DZIP1L: variants seen among roughly 807,000 people sequenced by gnomAD.
DZIP1L encodes DAZ interacting zinc finger protein 1 like, also known as cilium assembly protein DZIP1L.
In DZIP1L, 90 loss-of-function variants were observed where a neutral mutation model predicts 88.7. The observed-to-expected ratio is 1.02, with a 90% CI of 0.86 to 1.21. The LOEUF (loss-of-function observed/expected upper bound fraction) is 1.21. Among genes scored for constraint, DZIP1L ranks in the 50% most tolerant of loss-of-function variants. The probability of loss-of-function intolerance (pLI) is 0.00; values close to 1 mark genes in which losing one functional copy is unlikely to be tolerated. For missense variants in DZIP1L, 932 were observed against 955.8 expected (o/e 0.98, Z 0.33); for synonymous variants, 363 against 372.1 (o/e 0.98, Z 0.28).
At position 138,064,915 on chromosome 3, in the gene DZIP1L, G is replaced by C. The variant is rs1454400099; in HGVS notation, c.2003-148C>G. 4 of 1,179,556 alleles carry C rather than the reference G, an allele frequency of 3.4e-6. No individual in the cohort carries two copies. In the African/African-American group the frequency reaches 6.1e-5, roughly 18 times the overall value. 73.1% of individuals were successfully genotyped at this position (1,179,556 alleles called of 1,614,324 possible). A position where few individuals can be genotyped will look rare whatever the true frequency, so the allele number is the denominator to read the frequency against. ...AAGGCTGAGCAACCACAAAAAAGGA[G>C]ACAGAGAAGGCCAGGCCAACAGGTA... On this transcript the variant is annotated intron_variant, in intron 14 of 15. Transcript: ENST00000327532.
chr3:138,106,721 A>G (rs1021899473), intron 1 of DZIP1L, among the ~76,000 whole-genome samples: 5 of 151,964 alleles, frequency 3.3e-5, no homozygotes, highest in Non-Finnish European at 5.9e-5. Flanking sequence ...AGTCCCAGCT[A>G]CTCGGGAGGC....
intron 5 of DZIP1L, among the ~76,000 whole-genome samples, chr3:138,091,190 T>C (rs954348389): frequency 1.3e-5 from 2 of 151,854 alleles, no homozygotes; most frequent in Admixed American, 6.6e-5. Flanking sequence ...TTATCCTGCA[T>C]AAACTTGTTA....
chr3:138,080,497 A>G, intron 10 of DZIP1L, 70 bp downstream of exon 10: 1 of 1,554,526 alleles, frequency 6.4e-7, no homozygotes, highest in Non-Finnish European at 8.9e-7. Flanking sequence ...AGTAGAGACA[A>G]ACTAAACAAG....
chr3:138,094,958 T>C lies in DZIP1L; in HGVS notation c.612A>G (p.Pro204=). The change falls in exon 4 of 16, where the codon CCA becomes CCG. Residue 204 remains proline (P), a synonymous_variant. Coordinates refer to ENST00000327532, the MANE Select transcript of DZIP1L (RefSeq NM_173543.3). ...EGGKQKKQEQ[P]VEEVLEELRA... Reference sequence around the variant, plus strand: ...GTAGCTCTTCTAACACCTCTTCCACTGGCTGTTCCTGTTTCTTCTGTTTTC... The same window carrying C: ...GTAGCTCTTCTAACACCTCTTCCACCGGCTGTTCCTGTTTCTTCTGTTTTC... 1 of 1,614,268 alleles carries C rather than the reference T, an allele frequency of 6.2e-7. No individual in the cohort carries two copies. Among genetic ancestry groups the C allele is most frequent in the East Asian group, 2.2e-5 (1 of 44,888 alleles).
chr3:138,084,331 T>C (rs1231541441), intron 7 of DZIP1L, 78 bp from the exon 8 acceptor site: 3 of 1,527,218 alleles, frequency 2.0e-6, no homozygotes, highest in Non-Finnish European at 2.6e-6. Flanking sequence ...GCTCAGCACC[T>C]GTAGGCAAGT....
At chr3:138,071,943 TG>T in intron 11 of DZIP1L, 108 bp from the exon 12 acceptor site, 1 of 1,110,684 alleles carries the variant, frequency 9.0e-7, no homozygotes, top group Non-Finnish European at 1.3e-6. Context: ...GATCAGTGCC[TG>T]GTGCTTTTCT....
At position 138,103,920 on chromosome 3, in the gene DZIP1L, C is replaced by T; in HGVS notation, c.52G>A (p.Ala18Thr). The change falls in exon 2 of 16, where the codon GCC becomes ACC. Residue 18 changes from alanine to threonine, a missense_variant. Physicochemically the swap from Ala to Thr is moderately conservative, Grantham distance 58. Coordinates refer to ENST00000327532, the MANE Select transcript of DZIP1L (RefSeq NM_173543.3). Reference protein sequence around the residue: ...AEGLSGPLFGAYTFPTFKFQP... With the variant: ...AEGLSGPLFGTYTFPTFKFQP... ...AACTTGAAGGTGGGGAACGTGTAGG[C>T]CCCAAAGAGGGGGCCACTGAGGCCC... 1 of 1,613,564 alleles carries T rather than the reference C, an allele frequency of 6.2e-7. No individual in the cohort carries two copies. The highest frequency in any genetic ancestry group is 8.5e-7 in the Non-Finnish European group (1 of 1,180,028).
intron 11 of DZIP1L, among the ~76,000 whole-genome samples, chr3:138,074,254 T>A (rs967641058): frequency 2.4e-4 from 37 of 152,150 alleles, no homozygotes; most frequent in African/African-American, 8.9e-4. Flanking sequence ...AAGCACATAG[T>A]CAACCGGTTA....
At position 138,063,711 on chromosome 3, in the gene DZIP1L, T is replaced by C. The variant is rs978970332; in HGVS notation, c.2143-734A>G. Among the ~76,000 whole-genome samples the C allele has an allele frequency of 2.0e-5, 3 of 152,244 alleles. No individual in the cohort carries two copies. The highest frequency in any genetic ancestry group is 2.9e-5 in the Non-Finnish European group (2 of 68,042). On this transcript the variant is annotated intron_variant, in intron 15 of 15. Transcript: ENST00000327532. The surrounding 1 kb of genome is among the most constrained non-coding windows in gnomAD (Gnocchi z 4.1). ...GCATGCTCTGAGCGGCGCCTCAATC[T>C]GTTTGGGGCTGTTGGTGCTCTTTCA...
intron 8 of DZIP1L, among the ~76,000 whole-genome samples, chr3:138,083,056 T>C (rs1943737254): frequency 6.6e-6 from 1 of 152,198 alleles, no homozygotes; most frequent in South Asian, 2.1e-4. Context: ...ATAAAAATAA[T>C]AGCCCCTAAT....
chr3:138,092,617 G>C, intron 4 of DZIP1L, 73 bp from the exon 5 acceptor site: 1 of 1,437,156 alleles, frequency 7.0e-7, no homozygotes, highest in Non-Finnish European at 9.2e-7. Flanking sequence ...AACCTACTTA[G>C]GCCTCCTTGT....
intron 11 of DZIP1L, among the ~76,000 whole-genome samples, chr3:138,074,731 C>T (rs1383849016): frequency 7.6e-5 from 7 of 92,242 alleles, no homozygotes; most frequent in Non-Finnish European, 1.4e-4. Flanking sequence ...CAATAATACA[C>T]GAAAAAAAAA....
At chr3:138,112,708 A>C (rs2042637801) in intron 1 of DZIP1L, among the ~76,000 whole-genome samples, 1 of 152,208 alleles carries the variant, frequency 6.6e-6, no homozygotes. Flanking sequence ...GCACTTTGGG[A>C]GGCCAAGGAG....
At chr3:138,090,487 T>C (rs888728178) in intron 5 of DZIP1L, among the ~76,000 whole-genome samples, 3 of 152,178 alleles carry the variant, frequency 2.0e-5, no homozygotes, top group African/African-American at 4.8e-5. Flanking sequence ...TGGAGCAGCA[T>C]CTTCTCTTCC....
At chr3:138,074,508 G>A (rs954257188) in intron 11 of DZIP1L, among the ~76,000 whole-genome samples, 6 of 152,302 alleles carry the variant, frequency 3.9e-5, no homozygotes, top group Admixed American at 3.9e-4. Context: ...ACAAACAAAT[G>A]CTGAGAGAAT....
chr3:138,103,416 C>T, intron 2 of DZIP1L, 55 bp downstream of exon 2: 1 of 1,540,882 alleles, frequency 6.5e-7, no homozygotes, highest in Non-Finnish European at 8.8e-7. Context: ...ACAGTTGCCC[C>T]AGTGGCTGGG....
intron 8 of DZIP1L, among the ~76,000 whole-genome samples, chr3:138,082,601 A>G (rs1239293018): frequency 1.3e-5 from 2 of 152,224 alleles, no homozygotes; most frequent in African/African-American, 4.8e-5. Flanking sequence ...GAGCTCTGTG[A>G]GATGCTCCAT....
At chr3:138,114,905 A>G (rs911077547) in intron 1 of DZIP1L, among the ~76,000 whole-genome samples, 1 of 152,192 alleles carries the variant, frequency 6.6e-6, no homozygotes, top group Non-Finnish European at 1.5e-5. Flanking sequence ...GATTGCTTTT[A>G]AATCACCTCA....
intron 4 of DZIP1L, among the ~76,000 whole-genome samples, chr3:138,093,849 G>A (rs933928548): frequency 2.6e-5 from 4 of 152,162 alleles, no homozygotes; most frequent in Non-Finnish European, 5.9e-5. Context: ...GAATTTTGTG[G>A]CCGGTTTGAT....
Sources: allele counts gnomAD v4.1 joint callset (sites outside exome capture counted in the v4.1 genomes callset), GRCh38; gene constraint gnomAD v4.1.1; non-coding constraint Gnocchi (gnomAD v3.1); transcripts MANE v1.5; gene names NCBI Gene and HGNC (gene_info 2026-07-23, HGNC 2026-07-21).